Variants in MKRN2OS observed in about 807,000 individuals in gnomAD.
The protein encoded by MKRN2OS is MKRN2 opposite strand protein.
A neutral mutation model predicts 18.2 loss-of-function variants in MKRN2OS; 17 were observed. The observed-to-expected ratio is 0.93, with a 90% CI of 0.64 to 1.40. MKRN2OS has a LOEUF of 1.40. MKRN2OS is among the 40% of genes most tolerant of loss of function. The pLI, the probability that MKRN2OS is intolerant of heterozygous loss-of-function variation, is 0.00. For synonymous variants in MKRN2OS, 121 were observed against 108.5 expected (o/e 1.12, Z -0.72); for missense variants, 337 against 283.0 (o/e 1.19, Z -1.37).
chr3:12,556,383 A>T (rs568152415), intron 1 of MKRN2OS, among the ~76,000 whole-genome samples: 1,777 of 35,342 alleles, frequency 0.05, 27 homozygotes, highest in African/African-American at 0.37. Context: ...ATAATAATTA[A>T]AAAAAAAGGT....
upstream of MKRN2OS, among the ~76,000 whole-genome samples, chr3:12,546,575 A>ATTTTTTTTTTTTTTTTTTTTTTT (rs1160434615): frequency 2.1e-5 from 2 of 97,130 alleles, no homozygotes; most frequent in African/African-American, 9.3e-5. Flanking sequence ...GGTACATGGG[A>ATTTTTTTTTTTTTTTTTTTTTTT]TTTTTTTTTT....
At chr3:12,544,735 T>C (rs1167349277) in intron 1 of MKRN2OS, among the ~76,000 whole-genome samples, 2 of 152,158 alleles carry the variant, frequency 1.3e-5, no homozygotes, top group Non-Finnish European at 2.9e-5. Flanking sequence ...TCCTTTTTGT[T>C]TATGCTAGCG....
intron 1 of MKRN2OS, among the ~76,000 whole-genome samples, chr3:12,559,242 C>T (rs2058014294): frequency 6.6e-6 from 1 of 152,070 alleles, no homozygotes; most frequent in Admixed American, 6.6e-5. Context: ...CCAAGAGTAC[C>T]AAGTTTACAT....
chr3:12,550,198 C>T (rs1459866318), upstream of MKRN2OS, among the ~76,000 whole-genome samples: 1 of 152,128 alleles, frequency 6.6e-6, no homozygotes, highest in East Asian at 1.9e-4. Context: ...CCAAGATGTC[C>T]CTCAGCAGGC....
upstream of MKRN2OS, among the ~76,000 whole-genome samples, chr3:12,549,512 G>A (rs1490957705): frequency 6.6e-6 from 1 of 150,984 alleles, no homozygotes; most frequent in Admixed American, 6.6e-5. Flanking sequence ...CAAAGTGCTG[G>A]TATTACAGTT....
At chr3:12,545,144 C>G in intron 1 of MKRN2OS, 103 bp downstream of exon 1, 1 of 944,444 alleles carries the variant, frequency 1.1e-6, no homozygotes, top group Non-Finnish European at 1.5e-6. Context: ...AAAAATTGTC[C>G]ACCAAACCTC....
At chr3:12,542,943 T>A (rs1472475829) in intron 2 of MKRN2OS, among the ~76,000 whole-genome samples, 1 of 152,226 alleles carries the variant, frequency 6.6e-6, no homozygotes, top group Admixed American at 6.5e-5. Context: ...TACAGGTTTG[T>A]GAGGCTCCTC....
At chr3:12,544,598 C>A (rs894696334) in intron 1 of MKRN2OS, among the ~76,000 whole-genome samples, 1 of 151,748 alleles carries the variant, frequency 6.6e-6, no homozygotes, top group African/African-American at 2.4e-5. Context: ...CCGAAAATCG[C>A]TTGAACCCGG....
upstream of MKRN2OS, among the ~76,000 whole-genome samples, chr3:12,548,489 G>A (rs1021438970): frequency 1.5e-5 from 2 of 132,984 alleles, no homozygotes; most frequent in African/African-American, 2.5e-5. Context: ...AAAACCAGCC[G>A]AGCGTGGTGG....
At chr3:12,555,756 C>T (rs774940175) in intron 1 of MKRN2OS, among the ~76,000 whole-genome samples, 54 of 152,176 alleles carry the variant, frequency 3.5e-4, no homozygotes, top group Non-Finnish European at 5.7e-4. Flanking sequence ...CCAGCCCCCA[C>T]CCACCCCCTG....
intron 1 of MKRN2OS, among the ~76,000 whole-genome samples, chr3:12,558,437 GCCT>G (rs1460463291): frequency 3.3e-5 from 5 of 152,138 alleles, no homozygotes; most frequent in African/African-American, 1.2e-4. Flanking sequence ...GCAGCTTGTA[GCCT>G]CCTAGAAAAA....
At chr3:12,557,737 T>C (rs181583825) in intron 1 of MKRN2OS, among the ~76,000 whole-genome samples, 23 of 152,374 alleles carry the variant, frequency 1.5e-4, no homozygotes, top group Non-Finnish European at 2.9e-4. Context: ...CCAAGTCCTT[T>C]ATATTCATTA....
At chr3:12,548,779 A>C (rs1334036283), upstream of MKRN2OS, among the ~76,000 whole-genome samples, 1 of 152,216 alleles carries the variant, frequency 6.6e-6, no homozygotes, top group Non-Finnish European at 1.5e-5. Context: ...ACCATGCTTT[A>C]ATAAACATTT....
upstream of MKRN2OS, among the ~76,000 whole-genome samples, chr3:12,546,574 G>GTTTTTTT (rs1559382062): frequency 4.0e-5 from 5 of 125,054 alleles, no homozygotes; most frequent in African/African-American, 6.5e-5. Flanking sequence ...GGGTACATGG[G>GTTTTTTT]ATTTTTTTTT....
At chr3:12,541,408 G>C (rs544639008) in intron 3 of MKRN2OS, among the ~76,000 whole-genome samples, 6 of 151,982 alleles carry the variant, frequency 3.9e-5, no homozygotes, top group African/African-American at 7.3e-5. Flanking sequence ...TAATAGAGAC[G>C]GGGTTTTACC....
upstream of MKRN2OS, among the ~76,000 whole-genome samples, chr3:12,545,956 G>A (rs1022181638): frequency 6.6e-6 from 1 of 152,024 alleles, no homozygotes. Context: ...ACAGACACAC[G>A]CCACTATACC....
rs544584509 is a variant in MKRN2OS, at chr3:12,540,416, T to C, written c.449A>G (p.His150Arg). The C allele has an allele frequency of 7.8e-6, 12 of 1,536,122 alleles. No homozygotes were observed. The highest frequency in any genetic ancestry group is 2.7e-5 in the African/African-American group (2 of 73,152). ...CGTGAGTGCGTAAGAGTAGCAGTTA[T>C]GGTGGTTGTCTTCATACCTTATGGA... ...WLPHRYEDNH[H>R]NCYSYALTFI... is the part of the protein sequence containing the mutation. The change falls in exon 4 of 4, where the codon CAT (histidine) becomes CGT (arginine). Residue 150 changes from histidine to arginine, a missense_variant. By Grantham distance (29) the His-to-Arg change is conservative (BLOSUM62 0). Coordinates refer to ENST00000564146, the MANE Select transcript of MKRN2OS (RefSeq NM_001195279.2).
intron 3 of MKRN2OS, among the ~76,000 whole-genome samples, chr3:12,541,551 A>G (rs1370358370): frequency 6.6e-6 from 1 of 152,236 alleles, no homozygotes; most frequent in Non-Finnish European, 1.5e-5. Context: ...TTAAGGAAAT[A>G]TAATATCGTG....
At chr3:12,543,588 G>A (rs1184526957) in intron 1 of MKRN2OS, among the ~76,000 whole-genome samples, 2 of 145,614 alleles carry the variant, frequency 1.4e-5, no homozygotes, top group Non-Finnish European at 3.0e-5. Context: ...GTCTGTCCAA[G>A]AAAATAAATA....
Sources: allele counts gnomAD v4.1 joint callset (sites outside exome capture counted in the v4.1 genomes callset), GRCh38; gene constraint gnomAD v4.1.1; transcripts MANE v1.5; gene names NCBI Gene and HGNC (gene_info 2026-07-23, HGNC 2026-07-21).